UNC79: variants seen among roughly 807,000 people sequenced by gnomAD.
UNC79 encodes the protein protein unc-79 homolog.
In UNC79, 37 loss-of-function variants were observed where a neutral mutation model predicts 283.1. That is an observed-to-expected ratio of 0.13 (90% confidence interval 0.10 to 0.17). The LOEUF (loss-of-function observed/expected upper bound fraction) is 0.17, where lower values mean the gene tolerates loss of function less well. UNC79 is among the 10% of genes least tolerant of loss of function. UNC79 has a pLI of 1.00. For missense variants in UNC79, 2,272 were observed against 3,211.1 expected (o/e 0.71, Z 7.07); for synonymous variants, 1,107 against 1,200.2 (o/e 0.92, Z 1.61).
intron 14 of UNC79, among the ~76,000 whole-genome samples, chr14:93,546,680 G>A (rs899879695): frequency 1.3e-5 from 2 of 152,164 alleles, no homozygotes; most frequent in African/African-American, 2.4e-5. Context: ...TGAAAAACTA[G>A]CAATGTTCTA....
exon 16 of UNC79, chr14:93,572,807 G>A (rs2141619594): frequency 6.2e-7 from 1 of 1,613,364 alleles, no homozygotes; most frequent in Non-Finnish European, 8.5e-7. Context: ...AAGCTTTACT[G>A]TGGCTTCATG....
intron 30 of UNC79, among the ~76,000 whole-genome samples, chr14:93,629,891 G>A (rs1256098098): frequency 6.6e-6 from 1 of 152,210 alleles, no homozygotes; most frequent in African/African-American, 2.4e-5. Context: ...CCAGCAAGAT[G>A]CTCAGTATAT....
intron 7 of UNC79, among the ~76,000 whole-genome samples, chr14:93,514,138 A>C (rs1383808597): frequency 6.6e-6 from 1 of 152,220 alleles, no homozygotes; most frequent in Non-Finnish European, 1.5e-5. Context: ...CATAGAGAAA[A>C]ATCAACAAAA....
intron 1 of UNC79, among the ~76,000 whole-genome samples, chr14:93,463,507 T>C (rs1161505140): frequency 6.6e-6 from 1 of 152,146 alleles, no homozygotes; most frequent in Admixed American, 6.5e-5. Context: ...GTTTGAATCC[T>C]GGTAGGAATG....
chr14:93,513,890 A>G (rs1000450079), intron 7 of UNC79, among the ~76,000 whole-genome samples: 2 of 152,190 alleles, frequency 1.3e-5, no homozygotes, highest in East Asian at 3.9e-4. Flanking sequence ...GTCCTAGTGT[A>G]TAACTATGAC....
At chr14:93,630,964 G>T in intron 31 of UNC79, 56 bp downstream of exon 33, 1 of 1,481,362 alleles carries the variant, frequency 6.8e-7, no homozygotes, top group Non-Finnish European at 9.4e-7. Flanking sequence ...AACACTGTCT[G>T]CTGCCTTGTT....
At chr14:93,577,980 G>A (rs749379544) in exon 18 of UNC79, 12 of 1,614,186 alleles carry the variant, frequency 7.4e-6, no homozygotes, top group Non-Finnish European at 1.0e-5. Flanking sequence ...ACACCCAGGA[G>A]GAAGGACTAT....
chr14:93,450,488 C>T (rs1197772183), intron 1 of UNC79, among the ~76,000 whole-genome samples: 1 of 152,076 alleles, frequency 6.6e-6, no homozygotes, highest in African/African-American at 2.4e-5. Flanking sequence ...TTCTTTCTCC[C>T]AGGAGAAAGG....
At chr14:93,517,871 A>C (rs2060140132) in intron 7 of UNC79, among the ~76,000 whole-genome samples, 1 of 151,116 alleles carries the variant, frequency 6.6e-6, no homozygotes, top group Non-Finnish European at 1.5e-5. Context: ...TCACTTCTAG[A>C]ATTTCCATTT....
chr14:93,378,398 A>G lies in UNC79; in HGVS notation c.-351+44875A>G, dbSNP rs547153073. Among the ~76,000 whole-genome samples, 3 of 152,338 alleles carry G rather than the reference A, an allele frequency of 2.0e-5. No individual in the cohort carries two copies. The South Asian group carries it at 6.2e-4, about 32-fold the overall frequency. On this transcript the variant is annotated intron_variant, in intron 1 of 49. Coordinates refer to the UNC79 transcript ENST00000256339. ...AACTTCCTACTTGGGATTAGAGACTATAAAGTGAATGATACAGCCTTGTTA... is the reference window on the plus strand; with the variant it reads ...AACTTCCTACTTGGGATTAGAGACTGTAAAGTGAATGATACAGCCTTGTTA...
intron 22 of UNC79, 43 bp downstream of exon 22, chr14:93,586,951 GC>G: frequency 6.3e-7 from 1 of 1,587,280 alleles, no homozygotes; most frequent in Non-Finnish European, 8.6e-7. Flanking sequence ...TATACATTAG[GC>G]TTTAGTTGTG....
chr14:93,492,514 C>T (rs375165687), intron 5 of UNC79, among the ~76,000 whole-genome samples: 7 of 152,026 alleles, frequency 4.6e-5, no homozygotes, highest in African/African-American at 9.7e-5. Context: ...CCACCATGCC[C>T]GGCTAATTTT....
At chr14:93,687,468 A>G (rs1566925392) in intron 43 of UNC79, among the ~76,000 whole-genome samples, 1 of 152,200 alleles carries the variant, frequency 6.6e-6, no homozygotes, top group Non-Finnish European at 1.5e-5. Flanking sequence ...AACATGGTCC[A>G]AGGAGCAGCC....
At chr14:93,619,199 G>A (rs1031261051) in intron 29 of UNC79, among the ~76,000 whole-genome samples, 2 of 152,144 alleles carry the variant, frequency 1.3e-5, no homozygotes, top group African/African-American at 4.8e-5. Flanking sequence ...GACGGAACTC[G>A]AGAACTAGGT....
chr14:93,351,718 T>C (rs2053983079), intron 1 of UNC79, among the ~76,000 whole-genome samples: 1 of 152,216 alleles, frequency 6.6e-6, no homozygotes, highest in Non-Finnish European at 1.5e-5. Flanking sequence ...TGGTTTATTT[T>C]AAGGAATTGG....
chr14:93,686,435 A>C, intron 42 of UNC79, 137 bp from the exon 46 acceptor site: 1 of 867,668 alleles, frequency 1.2e-6, no homozygotes, highest in Non-Finnish European at 1.8e-6. Flanking sequence ...TCACAGACCA[A>C]GCTGAGAGTA....
intron 20 of UNC79, among the ~76,000 whole-genome samples, chr14:93,585,510 C>T (rs532852484): frequency 6.6e-6 from 1 of 152,206 alleles, no homozygotes; most frequent in Admixed American, 6.5e-5. Context: ...GTACTTATGA[C>T]AAGCATTTAA....
chr14:93,578,154 C>A, intron 18 of UNC79, 91 bp downstream of exon 18: 1 of 1,226,960 alleles, frequency 8.2e-7, no homozygotes, highest in Non-Finnish European at 1.1e-6. Flanking sequence ...GGCATCTCCA[C>A]ACTTATCAAA....
intron 7 of UNC79, among the ~76,000 whole-genome samples, chr14:93,511,217 C>T (rs1030950539): frequency 6.6e-6 from 1 of 152,124 alleles, no homozygotes; most frequent in Admixed American, 6.6e-5. Context: ...TTCCACTGGG[C>T]TGCTCCTCCA....
Sources: allele counts gnomAD v4.1 joint callset (sites outside exome capture counted in the v4.1 genomes callset), GRCh38; gene constraint gnomAD v4.1.1; transcripts MANE v1.5; gene names NCBI Gene and HGNC (gene_info 2026-07-23, HGNC 2026-07-21).